STXBP6: variants seen among roughly 807,000 people sequenced by gnomAD.
STXBP6 encodes syntaxin-binding protein 6.
A neutral mutation model predicts 26.9 loss-of-function variants in STXBP6; 21 were observed. The observed-to-expected ratio is 0.78, with a 90% CI of 0.55 to 1.12. STXBP6 has a LOEUF of 1.12. STXBP6 is among the 50% of genes most tolerant of loss of function. STXBP6 has a pLI of 0.00. For missense variants in STXBP6, 232 were observed against 257.9 expected (o/e 0.90, Z 0.69); for synonymous variants, 97 against 92.6 (o/e 1.05, Z -0.27).
rs545828730 is a variant in STXBP6 at position 24,887,939 on chromosome 14, C to T, written c.155-30782G>A. 7.9e-5 allele frequency among the ~76,000 whole-genome samples: 12 copies of T among 152,250 alleles called. No homozygotes were observed. The South Asian group carries it at 2.5e-3, about 32-fold the overall frequency. On this transcript the variant is annotated intron_variant, in intron 2 of 5. Coordinates refer to ENST00000323944, the MANE Select transcript of STXBP6 (RefSeq NM_001394410.1). ...ACTGCATTTCTTTATTTTTGCTATTCTCCACTCTATTTTAAGCTTAGACAC... is the reference window on the plus strand; with the variant it reads ...ACTGCATTTCTTTATTTTTGCTATTTTCCACTCTATTTTAAGCTTAGACAC...
intron 1 of STXBP6, among the ~76,000 whole-genome samples, chr14:24,993,566 G>A (rs1292635687): frequency 6.6e-6 from 1 of 152,194 alleles, no homozygotes; most frequent in Non-Finnish European, 1.5e-5. Flanking sequence ...CATAGGTAGA[G>A]TTACTTTTCT....
intron 2 of STXBP6, among the ~76,000 whole-genome samples, chr14:24,937,980 C>T (rs541347168): frequency 1.1e-4 from 17 of 152,292 alleles, no homozygotes; most frequent in African/African-American, 4.1e-4. Context: ...AATGCAGAAA[C>T]GTGTTGATGA....
At chr14:24,897,457 T>TA (rs1283182860) in intron 2 of STXBP6, among the ~76,000 whole-genome samples, 1 of 151,724 alleles carries the variant, frequency 6.6e-6, no homozygotes, top group African/African-American at 2.4e-5. Context: ...AAGTTTTTTT[T>TA]ATACATCTCC....
At chr14:24,860,954 A>G (rs1411193774) in intron 2 of STXBP6, among the ~76,000 whole-genome samples, 1 of 150,326 alleles carries the variant, frequency 6.7e-6, no homozygotes, top group East Asian at 1.9e-4. Context: ...AGATAGCTGA[A>G]TAACATCTTT....
chr14:24,978,579 C>A (rs1186826603), intron 1 of STXBP6, among the ~76,000 whole-genome samples: 1 of 152,194 alleles, frequency 6.6e-6, no homozygotes, highest in African/African-American at 2.4e-5. Context: ...ACCTATATCA[C>A]CCCATGGAAG....
chr14:24,824,030 A>G (rs1488477272), intron 4 of STXBP6, among the ~76,000 whole-genome samples: 4 of 152,224 alleles, frequency 2.6e-5, no homozygotes, highest in African/African-American at 7.2e-5. Flanking sequence ...GTTAGTACCT[A>G]AGGTACAATT....
At chr14:24,847,177 A>G (rs1434041949) in intron 4 of STXBP6, among the ~76,000 whole-genome samples, 1 of 152,116 alleles carries the variant, frequency 6.6e-6, no homozygotes, top group Non-Finnish European at 1.5e-5. Context: ...TGATGGCATC[A>G]CTCATTAGCT....
chr14:25,031,717 A>AT (rs58317547), intron 1 of STXBP6, among the ~76,000 whole-genome samples: 2,438 of 141,048 alleles, frequency 0.017, 39 homozygotes, highest in East Asian at 0.049. Context: ...CTCCCAAGCA[A>AT]TTTTTTTTTT....
At position 24,878,785 on chromosome 14, in the gene STXBP6, T is replaced by C. The variant is rs923183732; in HGVS notation, c.155-21628A>G. ...GGTCTTCTCTCTAAAATTCACTAAA[T>C]GTTTTCTCCTTTGAAGCTGACTTGA... On this transcript the variant is annotated intron_variant, in intron 2 of 5. Transcript: ENST00000323944. The C allele has an allele frequency of 2.9e-5, 13 of 453,116 alleles. 1 individual carries two copies. Among genetic ancestry groups the C allele is most frequent in the South Asian group, 7.8e-5 (5 of 63,986 alleles). 28.1% of individuals were successfully genotyped at this position (453,116 alleles called of 1,614,324 possible).
chr14:24,835,001 C>G (rs1381778129), intron 4 of STXBP6, among the ~76,000 whole-genome samples: 2 of 152,078 alleles, frequency 1.3e-5, no homozygotes, highest in African/African-American at 4.8e-5. Context: ...GTTTTTCCTC[C>G]TGAATACATA....
At chr14:24,963,895 G>A (rs865827459) in intron 2 of STXBP6, among the ~76,000 whole-genome samples, 2 of 145,704 alleles carry the variant, frequency 1.4e-5, no homozygotes, top group African/African-American at 5.1e-5. Flanking sequence ...CTCCTGCTCC[G>A]TAACCTGATG....
chr14:24,872,607 G>A (rs963405331), intron 2 of STXBP6, among the ~76,000 whole-genome samples: 11 of 152,210 alleles, frequency 7.2e-5, no homozygotes, highest in Admixed American at 6.5e-4. Flanking sequence ...AGGATAGAGT[G>A]AATGCCTCTC....
chr14:24,849,195 C>G (rs1359733892), intron 4 of STXBP6, among the ~76,000 whole-genome samples: 1 of 151,920 alleles, frequency 6.6e-6, no homozygotes, highest in Non-Finnish European at 1.5e-5. Flanking sequence ...TTTTCTCTCT[C>G]TGAAAGAACT....
At chr14:25,010,997 T>C (rs2075015553) in intron 1 of STXBP6, among the ~76,000 whole-genome samples, 1 of 150,912 alleles carries the variant, frequency 6.6e-6, no homozygotes, top group Non-Finnish European at 1.5e-5. Context: ...AGTCTAAATA[T>C]AGAAATCTAA....
intron 1 of STXBP6, among the ~76,000 whole-genome samples, chr14:24,998,190 T>C (rs867642745): frequency 2.0e-5 from 3 of 152,330 alleles, no homozygotes; most frequent in Middle Eastern, 6.8e-3. Flanking sequence ...GTTGTACTAG[T>C]TGTTGCCAAT....
rs1267638007 is a variant in STXBP6 at position 25,010,776 on chromosome 14, T to C, written c.-32-35926A>G. ...GAGACGGGTCTGTTTGATGATTTTT[T>C]TTTTCTTTTCTTTGGGGGATAGGAT... On this transcript the variant is annotated intron_variant, in intron 1 of 5. Coordinates refer to ENST00000323944, the MANE Select transcript of STXBP6 (RefSeq NM_001394410.1). 3.3e-5 allele frequency: 5 copies of C among 152,200 alleles called. No individual in the cohort carries two copies. In the East Asian group the frequency reaches 9.6e-4, roughly 29 times the overall value. 9.4% of individuals were successfully genotyped at this position (152,200 alleles called of 1,614,324 possible). A position where few individuals can be genotyped will look rare whatever the true frequency, so the allele number is the denominator to read the frequency against.
chr14:24,882,400 A>AAAAAAAAAG (rs1566441119), intron 2 of STXBP6, among the ~76,000 whole-genome samples: 4 of 143,962 alleles, frequency 2.8e-5, no homozygotes, highest in African/African-American at 7.6e-5. Context: ...AAAAAAAAAA[A>AAAAAAAAAG]AAAAAAAAAA....
chr14:24,832,579 G>A (rs969429888), intron 4 of STXBP6, among the ~76,000 whole-genome samples: 2 of 152,066 alleles, frequency 1.3e-5, no homozygotes, highest in African/African-American at 4.8e-5. Flanking sequence ...ATCTTGTTTG[G>A]TTACTAATGA....
At chr14:24,885,320 G>A (rs1269517357) in intron 2 of STXBP6, among the ~76,000 whole-genome samples, 1 of 152,168 alleles carries the variant, frequency 6.6e-6, no homozygotes, top group Non-Finnish European at 1.5e-5. Context: ...ATGCTGTGAT[G>A]AGCCCCTCCA....
Sources: gnomAD v4.1 joint callset for allele counts (sites outside exome capture counted in the v4.1 genomes callset) on GRCh38, gnomAD v4.1.1 for gene constraint, MANE v1.5 for transcripts, NCBI Gene and HGNC (gene_info 2026-07-23, HGNC 2026-07-21) for gene names.